Variants in GALNT13 observed in about 807,000 individuals in gnomAD.
The protein encoded by GALNT13 is polypeptide N-acetylgalactosaminyltransferase 13.
A neutral mutation model predicts 64.2 loss-of-function variants in GALNT13; 28 were observed. The ratio of observed to expected loss-of-function variants is 0.44; its 90% CI spans 0.32 to 0.60. GALNT13 has a LOEUF of 0.60. GALNT13 is among the 20% of genes least tolerant of loss of function. The pLI, the probability that GALNT13 is intolerant of heterozygous loss-of-function variation, is 0.05. For missense variants in GALNT13, 577 were observed against 669.8 expected (o/e 0.86, Z 1.53); for synonymous variants, 214 against 224.6 (o/e 0.95, Z 0.42).
chr2:153,739,001 C>T, the GALNT13 span, among the ~76,000 whole-genome samples: 1 of 151,910 alleles, frequency 6.6e-6, no homozygotes, highest in Non-Finnish European at 1.5e-5. Flanking sequence ...ATGCATCCAT[C>T]TATACATCTG....
chr2:154,058,168 G>T (rs1699992662), intron 3 of GALNT13, among the ~76,000 whole-genome samples: 1 of 152,138 alleles, frequency 6.6e-6, no homozygotes, highest in Admixed American at 6.5e-5. Flanking sequence ...AGAGACACCA[G>T]AGAGCTCATA....
In GALNT13 at chr2:154,132,478, T is replaced by C. The variant is rs1465637672; in HGVS notation, c.143-7859T>C. On this transcript the variant is annotated intron_variant, in intron 3 of 12. Transcript: ENST00000392825. ...TTAATCACTGCATAGTTTTCTTATA[T>C]GAATGCAACACAATTTATGCAGTAC... 2.0e-5 allele frequency among the ~76,000 whole-genome samples: 3 copies of C among 152,158 alleles called. No homozygotes were observed. In the South Asian group the frequency reaches 6.2e-4, roughly 31 times the overall value.
At chr2:154,342,953 T>C (rs1225078386) in intron 9 of GALNT13, among the ~76,000 whole-genome samples, 1 of 152,020 alleles carries the variant, frequency 6.6e-6, no homozygotes, top group African/African-American at 2.4e-5. Context: ...CTTAGTACCA[T>C]ATTTGAACAT....
At chr2:154,104,795 A>G (rs1702526874) in intron 3 of GALNT13, among the ~76,000 whole-genome samples, 2 of 152,304 alleles carry the variant, frequency 1.3e-5, no homozygotes, top group African/African-American at 2.4e-5. Flanking sequence ...GTGATGCAGT[A>G]ACATAAAGGC....
At chr2:153,270,782 G>T in the GALNT13 span, among the ~76,000 whole-genome samples, 1 of 152,092 alleles carries the variant, frequency 6.6e-6, no homozygotes, top group South Asian at 2.1e-4. Context: ...AACTTGGGAG[G>T]TCGAGGCTGC....
chr2:153,559,121 G>A, the GALNT13 span, among the ~76,000 whole-genome samples: 1 of 152,032 alleles, frequency 6.6e-6, no homozygotes, highest in Non-Finnish European at 1.5e-5. Context: ...AGTATGGACC[G>A]CTAATAAAAA....
At chr2:153,302,398 GTTTTGT>G in the GALNT13 span, among the ~76,000 whole-genome samples, 2 of 151,768 alleles carry the variant, frequency 1.3e-5, no homozygotes, top group Non-Finnish European at 2.9e-5. Context: ...TTAAATCAGG[GTTTTGT>G]TTTTGTTTTT....
intron 7 of GALNT13, among the ~76,000 whole-genome samples, chr2:154,258,407 A>G (rs1037595307): frequency 6.6e-6 from 1 of 152,098 alleles, no homozygotes; most frequent in Non-Finnish European, 1.5e-5. Context: ...TATGGGATAT[A>G]TGTTTTTCCA....
chr2:154,256,495 T>C lies in GALNT13; in HGVS notation c.858-2526T>C, dbSNP rs540851940. Reference sequence around the variant, plus strand: ...GGAGGGGTTAAAGAGTAAGAAGTTATGCTCTGAGGCAAATTTCAGTCAGCA... The same window carrying C: ...GGAGGGGTTAAAGAGTAAGAAGTTACGCTCTGAGGCAAATTTCAGTCAGCA... On this transcript the variant is annotated intron_variant, in intron 7 of 12. Coordinates refer to ENST00000392825, the MANE Select transcript of GALNT13 (RefSeq NM_052917.4). 1.2e-4 allele frequency among the ~76,000 whole-genome samples: 19 copies of C among 152,320 alleles called. No homozygotes were observed. The South Asian group carries it at 3.7e-3, about 30-fold the overall frequency.
At chr2:154,312,656 A>G (rs537760413) in intron 9 of GALNT13, among the ~76,000 whole-genome samples, 1 of 152,318 alleles carries the variant, frequency 6.6e-6, no homozygotes, top group Admixed American at 6.5e-5. Context: ...TTTGGTTTAT[A>G]CATTGTTAAA....
At chr2:153,364,314 C>A in the GALNT13 span, among the ~76,000 whole-genome samples, 1 of 151,916 alleles carries the variant, frequency 6.6e-6, no homozygotes, top group East Asian at 1.9e-4. Flanking sequence ...AGCATTCCCT[C>A]TGAAAACTGG....
rs758666006 is a variant in GALNT13 at position 154,408,988 on chromosome 2, G to A, written c.1301G>A (p.Arg434Lys). The change falls in exon 11 of 13, where the codon AGA becomes AAA. Residue 434 changes from arginine to lysine, a missense_variant. Transcript: ENST00000392825. ...PRRYYSLGEIRNVETNQCLDN... is the reference protein window; with the variant it reads ...PRRYYSLGEIKNVETNQCLDN... ...CCTTTTGTGTGTTTCCTTTAGATAA[G>A]AAATGTTGAAACCAATCAGTGTTTA... The A allele has an allele frequency of 1.9e-6, 3 of 1,602,550 alleles. No homozygotes were observed. The highest frequency in any genetic ancestry group is 2.2e-5 in the East Asian group (1 of 44,666).
the GALNT13 span, among the ~76,000 whole-genome samples, chr2:153,806,777 A>G: frequency 6.6e-6 from 1 of 152,032 alleles, no homozygotes; most frequent in Non-Finnish European, 1.5e-5. Context: ...AGGCCAAATG[A>G]TTCAGATTCT....
chr2:153,134,615 G>T, the GALNT13 span, among the ~76,000 whole-genome samples: 2 of 152,060 alleles, frequency 1.3e-5, no homozygotes, highest in African/African-American at 4.8e-5. Context: ...TATCTCCTTT[G>T]CCAATCTCCT....
chr2:153,814,846 A>G, the GALNT13 span, among the ~76,000 whole-genome samples: 1 of 152,188 alleles, frequency 6.6e-6, no homozygotes, highest in African/African-American at 2.4e-5. Flanking sequence ...ATTCTAAAAC[A>G]CAGTTTTGCT....
intron 9 of GALNT13, among the ~76,000 whole-genome samples, chr2:154,373,359 A>G (rs1324250737): frequency 6.6e-6 from 1 of 152,182 alleles, no homozygotes; most frequent in Non-Finnish European, 1.5e-5. Context: ...GGCTTGAATC[A>G]TAATGGCACC....
the GALNT13 span, among the ~76,000 whole-genome samples, chr2:153,594,589 A>T: frequency 6.6e-6 from 1 of 152,084 alleles, no homozygotes; most frequent in Non-Finnish European, 1.5e-5. Flanking sequence ...TGAAACTCTA[A>T]TACCTTTACC....
At chr2:153,669,931 C>T in the GALNT13 span, among the ~76,000 whole-genome samples, 1 of 143,034 alleles carries the variant, frequency 7.0e-6, no homozygotes, top group Non-Finnish European at 1.5e-5. Flanking sequence ...GTGCGGCAGT[C>T]TGACATCAAC....
At chr2:153,804,365 T>C in the GALNT13 span, among the ~76,000 whole-genome samples, 3 of 152,098 alleles carry the variant, frequency 2.0e-5, no homozygotes, top group Non-Finnish European at 4.4e-5. Context: ...TTGGTAGAGA[T>C]GGAGTCTCAC....
Sources: gnomAD v4.1 joint callset for allele counts (sites outside exome capture counted in the v4.1 genomes callset) on GRCh38, gnomAD v4.1.1 for gene constraint, MANE v1.5 for transcripts, NCBI Gene and HGNC (gene_info 2026-07-23, HGNC 2026-07-21) for gene names.